The following NRXN3 variants were observed in gnomAD, a reference collection of about 807,000 sequenced individuals.
The protein encoded by NRXN3 is neurexin III.
Under a neutral mutation model 137.6 loss-of-function variants are expected in NRXN3, and 32 were observed. That is an observed-to-expected ratio of 0.23 (90% CI 0.18 to 0.31). NRXN3 has a LOEUF of 0.31. Among genes scored for constraint, NRXN3 ranks in the 10% least tolerant of loss-of-function variants. The probability of loss-of-function intolerance (pLI) is 1.00; values close to 1 mark genes in which losing one functional copy is unlikely to be tolerated. For missense variants in NRXN3, 1,574 were observed against 2,062.5 expected, an observed-to-expected ratio of 0.76 and a Z score of 4.59; for synonymous variants, 798 against 784.5, an observed-to-expected ratio of 1.02 and a Z score of -0.29.
At chr14:78,983,622 G>T (rs2099495146) in intron 14 of NRXN3, among the ~76,000 whole-genome samples, 1 of 152,068 alleles carries the variant, frequency 6.6e-6, no homozygotes, top group Admixed American at 6.5e-5. Flanking sequence ...ACTTTGGGAG[G>T]CCGAGGCAGG....
intron 4 of NRXN3, among the ~76,000 whole-genome samples, chr14:78,445,457 A>G (rs1399478752): frequency 6.6e-6 from 1 of 152,232 alleles, no homozygotes; most frequent in African/African-American, 2.4e-5. Context: ...GCCTTATCAG[A>G]TAGAACAAGC....
chr14:78,481,029 C>A (rs1449506919), intron 4 of NRXN3, among the ~76,000 whole-genome samples: 1 of 152,122 alleles, frequency 6.6e-6, no homozygotes, highest in Non-Finnish European at 1.5e-5. Flanking sequence ...GTAAACCTTG[C>A]CAATCCATAT....
chr14:78,692,527 T>G (rs1448080383), intron 6 of NRXN3, among the ~76,000 whole-genome samples: 1 of 152,142 alleles, frequency 6.6e-6, no homozygotes, highest in African/African-American at 2.4e-5. Context: ...TAACAGCAAG[T>G]GGTTGAATAA....
intron 15 of NRXN3, among the ~76,000 whole-genome samples, chr14:79,425,217 C>T (rs1416178595): frequency 6.6e-6 from 1 of 152,134 alleles, no homozygotes; most frequent in Non-Finnish European, 1.5e-5. Context: ...ATATCGGAAC[C>T]AATGATAGTA....
At chr14:79,231,237 A>T (rs2072130857) in intron 15 of NRXN3, among the ~76,000 whole-genome samples, 1 of 152,128 alleles carries the variant, frequency 6.6e-6, no homozygotes, top group Non-Finnish European at 1.5e-5. Context: ...CCCTGAGGCT[A>T]AAGAGAGCTC....
intron 15 of NRXN3, among the ~76,000 whole-genome samples, chr14:79,051,820 G>T (rs2099642417): frequency 6.6e-6 from 1 of 152,154 alleles, no homozygotes; most frequent in Non-Finnish European, 1.5e-5. Flanking sequence ...GCAAATACAT[G>T]TTCTGAAAAC....
chr14:79,424,320 A>G (rs773528378), intron 15 of NRXN3, among the ~76,000 whole-genome samples: 2 of 152,322 alleles, frequency 1.3e-5, no homozygotes, highest in Admixed American at 6.5e-5. Context: ...AAAAGGCTCT[A>G]TGTAGGTAGA....
chr14:78,447,595 C>T (rs2094450985), intron 4 of NRXN3, among the ~76,000 whole-genome samples: 1 of 152,202 alleles, frequency 6.6e-6, no homozygotes, highest in Admixed American at 6.5e-5. Flanking sequence ...CACTCCAAGC[C>T]CCAAAGGGGA....
intron 6 of NRXN3, among the ~76,000 whole-genome samples, chr14:78,700,144 A>AT (rs1419507913): frequency 2.6e-5 from 4 of 152,156 alleles, no homozygotes; most frequent in African/African-American, 9.7e-5. Context: ...GTTGGCAGCA[A>AT]TTGTGTCTCA....
intron 16 of NRXN3, among the ~76,000 whole-genome samples, chr14:79,571,965 G>T (rs1048278788): frequency 6.6e-6 from 1 of 152,134 alleles, no homozygotes; most frequent in Non-Finnish European, 1.5e-5. Context: ...GAATGAATGA[G>T]AAATTTTTTT....
At chr14:79,660,402 T>C (rs905493375) in intron 16 of NRXN3, among the ~76,000 whole-genome samples, 3 of 151,956 alleles carry the variant, frequency 2.0e-5, no homozygotes, top group African/African-American at 7.3e-5. Context: ...GGAAACAAAA[T>C]GAAACACCTG....
intron 4 of NRXN3, among the ~76,000 whole-genome samples, chr14:78,422,560 T>C (rs1301735837): frequency 2.0e-5 from 3 of 152,208 alleles, no homozygotes; most frequent in Admixed American, 6.5e-5. Context: ...AATTTTTTTC[T>C]TTGGGAAAGA....
chr14:79,863,230 T>G lies in NRXN3; in HGVS notation c.*1266T>G, dbSNP rs1356898339. The stretch of plus-strand genomic sequence containing the variant: ...AACTCTGTCCTTCCATTTGCTCACT[T>G]CTCTCTTCACCCATCTTTTTTAAAA... On this transcript the variant is annotated 3_prime_UTR_variant, in exon 21 of 21. Transcript: ENST00000335750. 1 of 152,400 alleles carries G rather than the reference T, an allele frequency of 6.6e-6. No individual in the cohort carries two copies. The highest frequency in any genetic ancestry group is 1.5e-5 in the Non-Finnish European group (1 of 67,990). 9.4% of individuals were successfully genotyped at this position (152,400 alleles called of 1,614,324 possible). A position where few individuals can be genotyped will look rare whatever the true frequency, so the allele number is the denominator to read the frequency against.
At chr14:78,617,865 T>G (rs956996608) in intron 4 of NRXN3, among the ~76,000 whole-genome samples, 3 of 151,110 alleles carry the variant, frequency 2.0e-5, no homozygotes, top group Admixed American at 6.6e-5. Context: ...TATTCTCTAG[T>G]TTCTATTAGC....
At chr14:79,654,518 G>A (rs1197366864) in intron 16 of NRXN3, among the ~76,000 whole-genome samples, 3 of 152,104 alleles carry the variant, frequency 2.0e-5, no homozygotes, top group Admixed American at 6.6e-5. Context: ...ATCAATGAAT[G>A]AGTCCAGCCG....
chr14:78,787,109 C>G (rs1214066677), intron 8 of NRXN3, among the ~76,000 whole-genome samples: 1 of 152,120 alleles, frequency 6.6e-6, no homozygotes, highest in African/African-American at 2.4e-5. Context: ...GAAATTCATC[C>G]TATATCTTAG....
intron 6 of NRXN3, among the ~76,000 whole-genome samples, chr14:78,688,472 T>G (rs1321310685): frequency 6.6e-6 from 1 of 152,056 alleles, no homozygotes; most frequent in Non-Finnish European, 1.5e-5. Context: ...ATTTTACTGG[T>G]TTGGTATAAA....
intron 17 of NRXN3, among the ~76,000 whole-genome samples, chr14:79,671,043 G>A (rs998255083): frequency 4.6e-5 from 7 of 152,166 alleles, no homozygotes. Context: ...CCGTCTCTCA[G>A]CCAAACTCAC....
At chr14:79,088,754 A>G (rs2048612873) in intron 15 of NRXN3, among the ~76,000 whole-genome samples, 1 of 152,154 alleles carries the variant, frequency 6.6e-6, no homozygotes, top group African/African-American at 2.4e-5. Flanking sequence ...TCTTTGTTAT[A>G]TCAGCCCTTT....
Sources: allele counts gnomAD v4.1 joint callset (sites outside exome capture counted in the v4.1 genomes callset), GRCh38; gene constraint gnomAD v4.1.1; transcripts MANE v1.5; gene names NCBI Gene and HGNC (gene_info 2026-07-23, HGNC 2026-07-21).